The following CA10 variants were observed in gnomAD, a reference collection of about 807,000 sequenced individuals.
CA10 encodes the protein carbonic anhydrase 10 (inactive).
CA10 carries 14 observed loss-of-function variants against 44.2 expected under a neutral mutation model. The ratio of observed to expected loss-of-function variants is 0.32; its 90% CI spans 0.21 to 0.50. The LOEUF is 0.50. Ranked by LOEUF, CA10 falls within the 20% of genes least tolerant of loss-of-function variation. The pLI, the probability that CA10 is intolerant of heterozygous loss-of-function variation, is 0.99. For synonymous variants in CA10, 159 were observed against 141.6 expected (o/e 1.12, Z -0.87); for missense variants, 350 against 409.7 (o/e 0.85, Z 1.26).
intron 3 of CA10, among the ~76,000 whole-genome samples, chr17:51,871,739 T>C (rs1375755804): frequency 6.6e-6 from 1 of 152,034 alleles, no homozygotes; most frequent in Non-Finnish European, 1.5e-5. Flanking sequence ...CAGTTGCTTC[T>C]CTACTTGCTA....
chr17:51,770,619 T>C (rs926967062), intron 3 of CA10, among the ~76,000 whole-genome samples: 20 of 152,140 alleles, frequency 1.3e-4, no homozygotes, highest in African/African-American at 4.1e-4. Context: ...CACAAATACC[T>C]GAGGCTGGGT....
chr17:51,981,740 G>C (rs1274084073), intron 2 of CA10, among the ~76,000 whole-genome samples: 2 of 152,008 alleles, frequency 1.3e-5, no homozygotes, highest in African/African-American at 2.4e-5. Flanking sequence ...TTTCCTAGGA[G>C]AGCCATTTAA....
chr17:52,035,272 G>C (rs186050353), intron 2 of CA10, among the ~76,000 whole-genome samples: 370 of 152,318 alleles, frequency 2.4e-3, no homozygotes, highest in African/African-American at 8.4e-3. Flanking sequence ...CTTGACTTCA[G>C]AGGGATGGCT....
intron 4 of CA10, among the ~76,000 whole-genome samples, chr17:51,671,584 T>C (rs989408010): frequency 1.3e-5 from 2 of 152,002 alleles, no homozygotes; most frequent in Admixed American, 1.3e-4. Flanking sequence ...TTTTGTATTT[T>C]TAGTAAAGAC....
intron 4 of CA10, among the ~76,000 whole-genome samples, chr17:51,654,031 G>A (rs760621992): frequency 8.5e-5 from 13 of 152,212 alleles, no homozygotes; most frequent in South Asian, 2.1e-4. Context: ...CCCCTAAAGC[G>A]TGTGTAAAGT....
intron 2 of CA10, among the ~76,000 whole-genome samples, chr17:52,058,747 C>T (rs145249326): frequency 6.6e-6 from 1 of 152,254 alleles, no homozygotes; most frequent in East Asian, 1.9e-4. Flanking sequence ...TCTGCAAAGC[C>T]TTTTCTGACC....
At chr17:51,678,972 T>G (rs993000441) in intron 4 of CA10, among the ~76,000 whole-genome samples, 1 of 152,220 alleles carries the variant, frequency 6.6e-6, no homozygotes, top group Non-Finnish European at 1.5e-5. Context: ...AAGGATTGAC[T>G]GTAGACTTAA....
chr17:52,081,552 G>A (rs1746128379), intron 1 of CA10, among the ~76,000 whole-genome samples: 1 of 152,160 alleles, frequency 6.6e-6, no homozygotes, highest in African/African-American at 2.4e-5. Flanking sequence ...TGTAGTCCCA[G>A]CACTTTGGGA....
intron 1 of CA10, among the ~76,000 whole-genome samples, chr17:52,080,280 G>A (rs1471832645): frequency 1.3e-5 from 2 of 151,820 alleles, no homozygotes; most frequent in African/African-American, 2.4e-5. Flanking sequence ...GCAAAACCCC[G>A]TCTCTACCAA....
At chr17:51,696,758 A>G (rs147808557) in intron 4 of CA10, among the ~76,000 whole-genome samples, 47 of 152,272 alleles carry the variant, frequency 3.1e-4, no homozygotes, top group Admixed American at 2.4e-3. Context: ...CTTTTGCTGT[A>G]TCCCACAGAT....
At chr17:51,638,334 C>A (rs115101220) in intron 6 of CA10, among the ~76,000 whole-genome samples, 1 of 152,214 alleles carries the variant, frequency 6.6e-6, no homozygotes, top group African/African-American at 2.4e-5. Context: ...GATAGCTTCA[C>A]CAAGCTGGAT....
intron 2 of CA10, among the ~76,000 whole-genome samples, chr17:52,023,883 T>A (rs557052997): frequency 1.3e-5 from 2 of 152,156 alleles, no homozygotes; most frequent in Non-Finnish European, 2.9e-5. Context: ...TCTTTTTTCT[T>A]CTGTCTATAT....
At chr17:51,930,905 C>G (rs922313725) in intron 3 of CA10, 85 bp downstream of exon 3, 100 of 1,508,702 alleles carry the variant, frequency 6.6e-5, no homozygotes, top group Non-Finnish European at 8.3e-5. Context: ...AAACTCATCA[C>G]AGAGACTGAA....
At chr17:51,733,014 AG>A (rs1386135936) in intron 4 of CA10, among the ~76,000 whole-genome samples, 2 of 152,044 alleles carry the variant, frequency 1.3e-5, no homozygotes, top group Non-Finnish European at 2.9e-5. Flanking sequence ...CATATCCCAA[AG>A]GTATTCTAGT....
intron 3 of CA10, among the ~76,000 whole-genome samples, chr17:51,897,379 T>A (rs1163197051): frequency 6.6e-6 from 1 of 152,066 alleles, no homozygotes; most frequent in Admixed American, 6.6e-5. Context: ...TGGTTGTAGG[T>A]GTGAAGCTTT....
chr17:52,086,337 C>T (rs990949293), intron 1 of CA10, among the ~76,000 whole-genome samples: 2 of 152,216 alleles, frequency 1.3e-5, no homozygotes, highest in African/African-American at 4.8e-5. Flanking sequence ...CTCTCCAAGT[C>T]AGGGCCCAGG....
chr17:51,839,737 C>G (rs1158996309), intron 3 of CA10, among the ~76,000 whole-genome samples: 3 of 152,088 alleles, frequency 2.0e-5, no homozygotes, highest in South Asian at 2.1e-4. Context: ...AACCAAAATC[C>G]TAAATGGAAA....
intron 3 of CA10, among the ~76,000 whole-genome samples, chr17:51,817,353 T>C (rs1907600882): frequency 6.6e-6 from 1 of 152,244 alleles, no homozygotes; most frequent in South Asian, 2.1e-4. Flanking sequence ...AGAGATCCTA[T>C]GATCTGCAAG....
At chr17:51,870,792 G>T (rs566955705) in intron 3 of CA10, among the ~76,000 whole-genome samples, 114 of 152,264 alleles carry the variant, frequency 7.5e-4, no homozygotes, top group Non-Finnish European at 1.4e-3. Flanking sequence ...TTCTTGTGGG[G>T]AACATGTGTA....
Sources: allele counts gnomAD v4.1 joint callset (sites outside exome capture counted in the v4.1 genomes callset), GRCh38; gene constraint gnomAD v4.1.1; transcripts MANE v1.5; gene names NCBI Gene and HGNC (gene_info 2026-07-23, HGNC 2026-07-21).